NIM1K: variants seen among roughly 807,000 people sequenced by gnomAD.
NIM1K encodes serine/threonine-protein kinase NIM1.
Under a neutral mutation model 37.1 loss-of-function variants are expected in NIM1K, and 35 were observed. The observed-to-expected ratio is 0.94, with a 90% CI of 0.72 to 1.25. NIM1K has a LOEUF of 1.25. NIM1K is among the 50% of genes most tolerant of loss of function. The probability of loss-of-function intolerance (pLI) is 0.00; values close to 1 mark genes in which losing one functional copy is unlikely to be tolerated. For missense variants in NIM1K, 564 were observed against 548.0 expected (o/e 1.03, Z -0.29); for synonymous variants, 234 against 206.6 (o/e 1.13, Z -1.14).
intron 1 of NIM1K, among the ~76,000 whole-genome samples, chr5:43,240,759 A>G (rs1752688593): frequency 6.7e-6 from 1 of 150,268 alleles, no homozygotes; most frequent in South Asian, 2.1e-4. Flanking sequence ...CTGGTCTCGA[A>G]CTCCTGACCT....
rs1554013586 is a variant in NIM1K at position 43,213,222 on chromosome 5, T to TTTCC, written c.-695+20815_-695+20818dup. Among the ~76,000 whole-genome samples the TTTCC allele has an allele frequency of 3.6e-4, 51 of 140,290 alleles. No homozygotes were observed. The Middle Eastern group carries it at 0.015, about 40-fold the overall frequency. 92.0% of individuals were successfully genotyped at this position (140,290 alleles called of 152,430 possible). ...CTTTCTTTCTTTCTTTCTTTCTTTC[T>TTTCC]TTCCTTCTTTTCTTCCTTTCTTTCT... On this transcript the variant is annotated intron_variant, in intron 1 of 3. Coordinates refer to ENST00000326035, the MANE Select transcript of NIM1K (RefSeq NM_153361.4).
intron 1 of NIM1K, among the ~76,000 whole-genome samples, chr5:43,211,128 C>T (rs566506190): frequency 2.1e-4 from 32 of 152,100 alleles, no homozygotes; most frequent in African/African-American, 3.4e-4. Context: ...GCCGAGATTG[C>T]GCCACTGTAC....
At position 43,235,599 on chromosome 5, in the gene NIM1K, G is replaced by T. The variant is rs188964226; in HGVS notation, c.-694-9483G>T. Among the ~76,000 whole-genome samples, 39 of 152,250 alleles carry T rather than the reference G, an allele frequency of 2.6e-4. No individual in the cohort carries two copies. The East Asian group carries it at 7.3e-3, about 29-fold the overall frequency. Reference sequence around the variant, plus strand: ...GGGACCTAAATTCTTACAGATATTTGACAGCTTTGTCCACCTCTGAGGTTA... The same window carrying T: ...GGGACCTAAATTCTTACAGATATTTTACAGCTTTGTCCACCTCTGAGGTTA... On this transcript the variant is annotated intron_variant, in intron 1 of 3. Transcript: ENST00000326035.
At chr5:43,232,347 A>T in intron 1 of NIM1K, 1 of 1,327,336 alleles carries the variant, frequency 7.5e-7, no homozygotes, top group Non-Finnish European at 1.1e-6. Flanking sequence ...CTCAGCAGAG[A>T]TGACAGGGCA....
intron 1 of NIM1K, among the ~76,000 whole-genome samples, chr5:43,221,169 T>C (rs1309187161): frequency 6.6e-6 from 1 of 152,168 alleles, no homozygotes; most frequent in Non-Finnish European, 1.5e-5. Flanking sequence ...AGTGCCTTTC[T>C]GATTTGTCAA....
chr5:43,216,205 C>A (rs1261088453), intron 1 of NIM1K, among the ~76,000 whole-genome samples: 2 of 151,824 alleles, frequency 1.3e-5, no homozygotes, highest in African/African-American at 4.8e-5. Context: ...TTCTGAAGAC[C>A]CCAGGCATGG....
chr5:43,280,317 G>A lies in NIM1K; in HGVS notation c.899G>A (p.Arg300Gln), dbSNP rs753908090. The A allele has an allele frequency of 6.8e-6, 11 of 1,614,014 alleles. No homozygotes were observed. Among genetic ancestry groups the A allele is most frequent in the East Asian group, 2.2e-5 (1 of 44,866 alleles). Residue 300 changes from arginine (R) to glutamine (Q), a missense_variant, in exon 4 of 4, where the codon CGA (arginine) becomes CAA (glutamine). Arg to Gln is a conservative substitution (Grantham distance 43). Coordinates refer to ENST00000326035, the MANE Select transcript of NIM1K (RefSeq NM_153361.4). ...VPPHVSEPCHRLIRGVLQQIP... is the reference protein window; with the variant it reads ...VPPHVSEPCHQLIRGVLQQIP... ...CCGCACGTGTCAGAGCCCTGCCACC[G>A]ACTCATCCGAGGAGTCCTTCAGCAG...
intron 1 of NIM1K, among the ~76,000 whole-genome samples, chr5:43,237,187 A>T: frequency 6.6e-6 from 1 of 152,216 alleles, no homozygotes; most frequent in Non-Finnish European, 1.5e-5. Context: ...GTTGCCTAAG[A>T]GCCTCGCCCA....
At chr5:43,252,330 G>T (rs944601463) in intron 2 of NIM1K, among the ~76,000 whole-genome samples, 2 of 152,120 alleles carry the variant, frequency 1.3e-5, no homozygotes, top group African/African-American at 4.8e-5. Context: ...CTGCTACAAA[G>T]TAGCTCTATT....
At chr5:43,193,715 C>G (rs1477120883) in intron 1 of NIM1K, 1 of 152,144 alleles carries the variant, frequency 6.6e-6, no homozygotes, top group East Asian at 1.9e-4. Context: ...ATGTATCACA[C>G]TAGCTTGCAT....
intron 2 of NIM1K, among the ~76,000 whole-genome samples, chr5:43,267,424 T>C (rs1753181522): frequency 6.6e-6 from 1 of 152,218 alleles, no homozygotes; most frequent in Admixed American, 6.5e-5. Context: ...TTTACTAACC[T>C]TGTGTAATAT....
chr5:43,192,271 G>T lies in NIM1K; in HGVS notation c.-835G>T, dbSNP rs1297646226. On this transcript the variant is annotated 5_prime_UTR_variant, in exon 1 of 4. Coordinates refer to ENST00000326035, the MANE Select transcript of NIM1K (RefSeq NM_153361.4). ...CCGGTCAGGTCGGCCGCCCCTGACAGCTCCGGGAGCCTCAAGCGCGACAGC... is the reference window on the plus strand; with the variant it reads ...CCGGTCAGGTCGGCCGCCCCTGACATCTCCGGGAGCCTCAAGCGCGACAGC... 6.6e-6 allele frequency: 1 copy of T among 152,526 alleles called. No individual in the cohort carries two copies. The highest frequency in any genetic ancestry group is 1.5e-5 in the Non-Finnish European group (1 of 68,290). 9.4% of individuals were successfully genotyped at this position (152,526 alleles called of 1,614,324 possible).
intron 1 of NIM1K, among the ~76,000 whole-genome samples, chr5:43,231,490 C>A (rs1228272458): frequency 6.6e-6 from 1 of 152,262 alleles, no homozygotes; most frequent in East Asian, 1.9e-4. Context: ...TCCCAGTGGT[C>A]TCAAATGCCA....
intron 1 of NIM1K, among the ~76,000 whole-genome samples, chr5:43,199,556 T>G (rs1307946318): frequency 1.3e-5 from 2 of 152,142 alleles, no homozygotes; most frequent in African/African-American, 2.4e-5. Flanking sequence ...CTCTGTAAGT[T>G]CCACAGGGGA....
chr5:43,265,892 T>C (rs1318017845), intron 2 of NIM1K, among the ~76,000 whole-genome samples: 16 of 152,222 alleles, frequency 1.1e-4, no homozygotes, highest in African/African-American at 2.4e-4. Flanking sequence ...GGAGGTCCAC[T>C]TCAGACCTGT....
rs533300614 is a variant in NIM1K at position 43,203,871 on chromosome 5, C to T, written c.-695+11460C>T. Among the ~76,000 whole-genome samples the T allele has an allele frequency of 2.0e-4, 31 of 151,680 alleles. 1 individual carries two copies. The highest frequency in any genetic ancestry group is 7.5e-4 in the African/African-American group (31 of 41,422). ...TGAAACCCCGTCTCTACTAGAAATACAAAAATTAGCTGGGCATGGTGGCAG... is the reference window on the plus strand; with the variant it reads ...TGAAACCCCGTCTCTACTAGAAATATAAAAATTAGCTGGGCATGGTGGCAG... On this transcript the variant is annotated intron_variant, in intron 1 of 3. Coordinates refer to ENST00000326035, the MANE Select transcript of NIM1K (RefSeq NM_153361.4).
chr5:43,279,272 C>T (rs999311830), intron 3 of NIM1K, among the ~76,000 whole-genome samples: 1 of 152,216 alleles, frequency 6.6e-6, no homozygotes, highest in Non-Finnish European at 1.5e-5. Flanking sequence ...AGGAAACTGA[C>T]ATTCACAGTA....
chr5:43,197,942 G>A (rs1456428692), intron 1 of NIM1K, among the ~76,000 whole-genome samples: 1 of 152,180 alleles, frequency 6.6e-6, no homozygotes, highest in Non-Finnish European at 1.5e-5. Context: ...TAAAAATAAT[G>A]TTTGTTGAAC....
At chr5:43,241,581 C>G (rs930854428) in intron 1 of NIM1K, among the ~76,000 whole-genome samples, 2 of 151,738 alleles carry the variant, frequency 1.3e-5, no homozygotes, top group African/African-American at 4.9e-5. Context: ...CCTCGTGATC[C>G]CCCACCTCAG....
Sources: gnomAD v4.1 joint callset for allele counts (sites outside exome capture counted in the v4.1 genomes callset) on GRCh38, gnomAD v4.1.1 for gene constraint, MANE v1.5 for transcripts, NCBI Gene and HGNC (gene_info 2026-07-23, HGNC 2026-07-21) for gene names.